The following CLDN10 variants were observed in gnomAD, a reference collection of about 807,000 sequenced individuals.
The protein encoded by CLDN10 is claudin-10.
CLDN10 carries 15 observed loss-of-function variants against 22.9 expected under a neutral mutation model. The ratio of observed to expected loss-of-function variants is 0.65; its 90% confidence interval spans 0.44 to 1.01. CLDN10 has a LOEUF of 1.01. Ranked by LOEUF, CLDN10 falls within the 50% of genes least tolerant of loss-of-function variation. CLDN10 has a pLI of 0.00. For missense variants in CLDN10, 247 were observed against 287.8 expected, an observed-to-expected ratio of 0.86 and a Z score of 1.03; for synonymous variants, 114 against 111.4, an observed-to-expected ratio of 1.02 and a Z score of -0.15.
chr13:95,464,168 A>G (rs2042562610), intron 1 of CLDN10, among the ~76,000 whole-genome samples: 1 of 151,912 alleles, frequency 6.6e-6, no homozygotes, highest in Non-Finnish European at 1.5e-5. Flanking sequence ...TTTGTTACAT[A>G]TGTATACATG....
chr13:95,506,223 A>G (rs1318413061), intron 1 of CLDN10, among the ~76,000 whole-genome samples: 1 of 152,094 alleles, frequency 6.6e-6, no homozygotes, highest in Non-Finnish European at 1.5e-5. Flanking sequence ...AGCCCTGTCT[A>G]CACGAGAGCC....
chr13:95,474,827 G>A lies in CLDN10; in HGVS notation c.214+40780G>A, dbSNP rs991996843. ...GAAGCTCATTCCAGGGGGTAGGGTG[G>A]AGGAAGATGGGGGTGGGGCAGGCGT... is the stretch of plus-strand genomic sequence containing the variant. On this transcript the variant is annotated intron_variant, in intron 1 of 4. Coordinates refer to the CLDN10 transcript ENST00000376873. Among the ~76,000 whole-genome samples the A allele has an allele frequency of 4.6e-5, 7 of 152,212 alleles. No homozygotes were observed. In the East Asian group the frequency reaches 1.4e-3, roughly 29 times the overall value.
chr13:95,436,009 T>C (rs1346307807), intron 1 of CLDN10, among the ~76,000 whole-genome samples: 2 of 152,014 alleles, frequency 1.3e-5, no homozygotes, highest in Non-Finnish European at 2.9e-5. Flanking sequence ...ATTCTGTATT[T>C]CTTAATGAAA....
At chr13:95,448,126 G>T (rs1328717733) in intron 1 of CLDN10, among the ~76,000 whole-genome samples, 1 of 151,758 alleles carries the variant, frequency 6.6e-6, no homozygotes. Flanking sequence ...ACATGCACAC[G>T]CATACACCAG....
At chr13:95,478,597 C>A (rs563721636) in intron 1 of CLDN10, among the ~76,000 whole-genome samples, 1 of 152,240 alleles carries the variant, frequency 6.6e-6, no homozygotes, top group South Asian at 2.1e-4. Flanking sequence ...AGGGAGGGTG[C>A]GCCTAGGATC....
At chr13:95,535,340 G>A (rs1055501093) in intron 1 of CLDN10, among the ~76,000 whole-genome samples, 11 of 152,082 alleles carry the variant, frequency 7.2e-5, no homozygotes, top group South Asian at 2.1e-4. Context: ...GCTAGTGGAT[G>A]GAAGAGGTGA....
intron 1 of CLDN10, chr13:95,528,492 A>C (rs9525009): frequency 0.94 from 142,536 of 152,326 alleles, 67,382 homozygotes; most frequent in East Asian, 1. Context: ...TGAATCATAC[A>C]TTTTGGTGTC....
chr13:95,533,632 A>C (rs969335477), intron 1 of CLDN10: 2 of 152,206 alleles, frequency 1.3e-5, no homozygotes, highest in Admixed American at 6.5e-5. Context: ...GGAAGTATTT[A>C]TTGAGCTTTT....
rs181837823 is a variant in CLDN10, at chr13:95,450,640, C to G, written c.214+16593C>G. ...GTTAGACATCCGCAGCACATAAGGC[C>G]CATCTGCTGCTTCTTCAGACTGCAC... is the stretch of plus-strand genomic sequence containing the variant. On this transcript the variant is annotated intron_variant, in intron 1 of 4. Coordinates refer to the CLDN10 transcript ENST00000376873. Among the ~76,000 whole-genome samples the G allele has an allele frequency of 4.4e-3, 672 of 152,262 alleles. 4 individuals carry two copies. Among genetic ancestry groups the G allele is most frequent in the Middle Eastern group, 6.8e-3 (2 of 294 alleles).
In CLDN10 at chr13:95,577,327, C is replaced by T. The variant is rs936497509; in HGVS notation, c.561C>T (p.Asn187=). The part of the protein sequence containing the change: ...VIFCFSISDN[N]KTPRYTYNGA... Reference sequence around the variant, plus strand: ...TTTGCTTTTCAATATCTGACAACAACAAAACACCCAGGTATGAAAAAGAGA... The same window carrying T: ...TTTGCTTTTCAATATCTGACAACAATAAAACACCCAGGTATGAAAAAGAGA... The change falls in exon 4 of 5, where the codon AAC becomes AAT. Residue 187 remains asparagine, a synonymous_variant. Coordinates refer to ENST00000299339, the MANE Select transcript of CLDN10 (RefSeq NM_006984.5). The T allele has an allele frequency of 3.1e-6, 5 of 1,607,778 alleles. No individual in the cohort carries two copies. The Admixed American group carries it at 8.3e-5, about 27-fold the overall frequency.
chr13:95,462,754 A>G (rs771442572), intron 1 of CLDN10, among the ~76,000 whole-genome samples: 1 of 151,210 alleles, frequency 6.6e-6, no homozygotes, highest in Non-Finnish European at 1.5e-5. Flanking sequence ...GCTGAGTTTT[A>G]GGTAGAAAAA....
intron 1 of CLDN10, among the ~76,000 whole-genome samples, chr13:95,476,589 T>C (rs2042688149): frequency 6.6e-6 from 1 of 152,234 alleles, no homozygotes; most frequent in East Asian, 1.9e-4. Context: ...ATTCAGACCA[T>C]AGCAGCTGTG....
At chr13:95,553,851 G>A (rs1007334816) in intron 1 of CLDN10, among the ~76,000 whole-genome samples, 2 of 152,236 alleles carry the variant, frequency 1.3e-5, no homozygotes, top group African/African-American at 4.8e-5. Context: ...GACAACAGCC[G>A]ATGTCAGCCC....
At chr13:95,442,938 G>A (rs116366686) in intron 1 of CLDN10, among the ~76,000 whole-genome samples, 151 of 152,298 alleles carry the variant, frequency 9.9e-4, no homozygotes, top group African/African-American at 3.4e-3. Flanking sequence ...TAAGTTAGCC[G>A]TCATGTTATT....
upstream of CLDN10, chr13:95,552,635 G>C: frequency 7.9e-7 from 1 of 1,271,754 alleles, no homozygotes; most frequent in Non-Finnish European, 1.0e-6. Flanking sequence ...CGCTGGGCGG[G>C]GTGGTGGGCG....
chr13:95,559,882 G>T (rs1045986233), intron 1 of CLDN10, among the ~76,000 whole-genome samples: 1 of 152,092 alleles, frequency 6.6e-6, no homozygotes, highest in African/African-American at 2.4e-5. Flanking sequence ...TTTCCTCACT[G>T]GTGAATATGG....
intron 1 of CLDN10, chr13:95,528,496 T>C (rs1481104794): frequency 6.6e-6 from 1 of 152,242 alleles, no homozygotes; most frequent in Non-Finnish European, 1.5e-5. Flanking sequence ...TCATACATTT[T>C]GGTGTCAAAT....
intron 1 of CLDN10, among the ~76,000 whole-genome samples, chr13:95,502,870 C>A (rs1441454330): frequency 6.6e-6 from 1 of 152,202 alleles, no homozygotes; most frequent in East Asian, 1.9e-4. Flanking sequence ...ATGCATTATG[C>A]TCACTCAGTA....
intron 1 of CLDN10, among the ~76,000 whole-genome samples, chr13:95,522,658 C>T (rs1266575521): frequency 6.6e-6 from 1 of 151,940 alleles, no homozygotes; most frequent in African/African-American, 2.4e-5. Flanking sequence ...ACACTAAAAC[C>T]CCCCATTATG....
Sources: allele counts gnomAD v4.1 joint callset (sites outside exome capture counted in the v4.1 genomes callset), GRCh38; gene constraint gnomAD v4.1.1; transcripts MANE v1.5; gene names NCBI Gene and HGNC (gene_info 2026-07-23, HGNC 2026-07-21).